SRD5A2: variants seen among roughly 807,000 people sequenced by gnomAD.
SRD5A2 encodes steroid 5 alpha-reductase 2.
SRD5A2 carries 30 observed loss-of-function variants against 27.4 expected under a neutral mutation model. That is an observed-to-expected ratio of 1.10 (90% CI 0.82 to 1.49). SRD5A2 has a LOEUF of 1.49. Among genes scored for constraint, SRD5A2 ranks in the 40% most tolerant of loss-of-function variants. SRD5A2 has a pLI of 0.00. For missense variants in SRD5A2, 348 were observed against 323.4 expected, an observed-to-expected ratio of 1.08 and a Z score of -0.58; for synonymous variants, 141 against 133.6, an observed-to-expected ratio of 1.06 and a Z score of -0.38.
the SRD5A2 span, among the ~76,000 whole-genome samples, chr2:31,592,789 C>T: frequency 2.0e-5 from 3 of 152,160 alleles, no homozygotes; most frequent in Admixed American, 2.0e-4. Context: ...CATAACACCC[C>T]CAAAAGATCA....
the SRD5A2 span, among the ~76,000 whole-genome samples, chr2:31,662,138 C>T: frequency 1.3e-5 from 2 of 152,126 alleles, no homozygotes; most frequent in Non-Finnish European, 2.9e-5. Context: ...CCATAGTCAG[C>T]TCCTATAAAC....
At chr2:31,612,030 CA>C in the SRD5A2 span, among the ~76,000 whole-genome samples, 1 of 152,080 alleles carries the variant, frequency 6.6e-6, no homozygotes, top group Non-Finnish European at 1.5e-5. Context: ...GTAATCCCAG[CA>C]CTTTGGGAGG....
chr2:31,533,531 G>T, intron 2 of SRD5A2, 72 bp downstream of exon 2: 1 of 1,402,898 alleles, frequency 7.1e-7, no homozygotes, highest in Non-Finnish European at 9.8e-7. Flanking sequence ...AGTAGGGAGA[G>T]GCCATGGCGA....
At chr2:31,611,945 G>T in the SRD5A2 span, among the ~76,000 whole-genome samples, 1 of 152,092 alleles carries the variant, frequency 6.6e-6, no homozygotes, top group African/African-American at 2.4e-5. Context: ...ACAAGTTGGG[G>T]CATATCCATA....
chr2:31,547,977 A>T (rs1171058867), intron 1 of SRD5A2, among the ~76,000 whole-genome samples: 2 of 152,232 alleles, frequency 1.3e-5, no homozygotes, highest in Non-Finnish European at 2.9e-5. Flanking sequence ...AACAGATGTC[A>T]AGACCATTCA....
At chr2:31,633,390 A>G in the SRD5A2 span, among the ~76,000 whole-genome samples, 1 of 152,176 alleles carries the variant, frequency 6.6e-6, no homozygotes, top group Non-Finnish European at 1.5e-5. Flanking sequence ...AAAACTGTCA[A>G]GCAGATAGTC....
At chr2:31,622,009 G>A in the SRD5A2 span, among the ~76,000 whole-genome samples, 1 of 151,714 alleles carries the variant, frequency 6.6e-6, no homozygotes, top group African/African-American at 2.4e-5. Flanking sequence ...GGACATGCAT[G>A]TTTGTTACCT....
chr2:31,611,336 G>A, the SRD5A2 span, among the ~76,000 whole-genome samples: 104 of 152,142 alleles, frequency 6.8e-4, 2 homozygotes, highest in Admixed American at 5.0e-3. Context: ...TTATGCAACC[G>A]TAGTAACTGC....
rs138971885 is a variant in SRD5A2 at position 31,553,780 on chromosome 2, C to T, written c.282-20014G>A. On this transcript the variant is annotated intron_variant, in intron 1 of 4. Transcript: ENST00000622030. Reference sequence around the variant, plus strand: ...ATATAAATATTAGCTGTCTGTGGTCCTTTGCTGAGATTTCCCTTACTGGAT... The same window carrying T: ...ATATAAATATTAGCTGTCTGTGGTCTTTTGCTGAGATTTCCCTTACTGGAT... Among the ~76,000 whole-genome samples the T allele has an allele frequency of 9.2e-3, 1,398 of 152,182 alleles. 21 individuals carry two copies. Among genetic ancestry groups the T allele is most frequent in the South Asian group, 0.028 (135 of 4,816 alleles).
At chr2:31,602,637 A>G in the SRD5A2 span, among the ~76,000 whole-genome samples, 1 of 152,068 alleles carries the variant, frequency 6.6e-6, no homozygotes, top group Non-Finnish European at 1.5e-5. Context: ...TGGCGATATC[A>G]TGCTACCCAA....
At position 31,580,636 on chromosome 2, in the gene SRD5A2, G is replaced by C. The variant is rs523349; in HGVS notation, c.265C>G (p.Leu89Val). 1,096,924 of 1,576,058 alleles carry C rather than the reference G, an allele frequency of 0.7. 383,689 individuals carry two copies. The highest frequency in any genetic ancestry group is 0.75 in the African/African-American group (55,694 of 74,494). ...AAACGCTACCTGTGGAAGTAATGTA[G>C]GCAGAAGAGGCCCAGAAGTACCGTC... ...PGTVLLGLFC[L>V]HYFHRTFVYS... The change falls in exon 1 of 5, where the codon CTA (leucine) becomes GTA (valine). Residue 89 changes from leucine (L) to valine (V), a missense_variant. Transcript: ENST00000622030.
intron 1 of SRD5A2, among the ~76,000 whole-genome samples, chr2:31,562,852 G>T (rs1400763292): frequency 6.6e-6 from 1 of 151,974 alleles, no homozygotes; most frequent in Non-Finnish European, 1.5e-5. Flanking sequence ...AAATGTCCAG[G>T]GATTCAGTAG....
the SRD5A2 span, among the ~76,000 whole-genome samples, chr2:31,627,222 T>C: frequency 6.6e-6 from 1 of 152,126 alleles, no homozygotes; most frequent in Non-Finnish European, 1.5e-5. Context: ...TATGTACCCA[T>C]TTCTTCTAGG....
chr2:31,618,617 T>TA, the SRD5A2 span, among the ~76,000 whole-genome samples: 158 of 152,162 alleles, frequency 1.0e-3, no homozygotes, highest in Middle Eastern at 3.4e-3. Flanking sequence ...ATGTGGAATC[T>TA]AAAAAAATCA....
intron 1 of SRD5A2, among the ~76,000 whole-genome samples, chr2:31,551,905 T>A (rs11692999): frequency 0.022 from 3,298 of 152,132 alleles, 71 homozygotes; most frequent in African/African-American, 0.05. Flanking sequence ...TAGGCTCAAA[T>A]GATTTTTTAT....
chr2:31,636,784 G>A, the SRD5A2 span, among the ~76,000 whole-genome samples: 2 of 152,024 alleles, frequency 1.3e-5, no homozygotes, highest in South Asian at 4.1e-4. Flanking sequence ...TTACTGATTT[G>A]CATATGTTGA....
chr2:31,541,335 A>C (rs1211049292), intron 1 of SRD5A2, among the ~76,000 whole-genome samples: 1 of 146,156 alleles, frequency 6.8e-6, no homozygotes, highest in Non-Finnish European at 1.5e-5. Context: ...GAAATACCCA[A>C]CTTTCAACAA....
At chr2:31,634,461 A>C in the SRD5A2 span, among the ~76,000 whole-genome samples, 21 of 152,290 alleles carry the variant, frequency 1.4e-4, no homozygotes, top group Non-Finnish European at 2.9e-4. Flanking sequence ...GACAGTGGTC[A>C]AGAATTTTGA....
chr2:31,631,608 T>A, the SRD5A2 span, among the ~76,000 whole-genome samples: 1 of 152,174 alleles, frequency 6.6e-6, no homozygotes, highest in Non-Finnish European at 1.5e-5. Context: ...AATTCTCAGA[T>A]AACCCTGATG....
Sources: allele counts gnomAD v4.1 joint callset (sites outside exome capture counted in the v4.1 genomes callset), GRCh38; gene constraint gnomAD v4.1.1; transcripts MANE v1.5; gene names NCBI Gene and HGNC (gene_info 2026-07-23, HGNC 2026-07-21).